ZFHX3: variants seen among roughly 807,000 people sequenced by gnomAD.
The protein encoded by ZFHX3 is zinc finger homeobox 3, also known as zinc finger homeobox protein 3.
A neutral mutation model predicts 279.1 loss-of-function variants in ZFHX3; 42 were observed. The observed-to-expected ratio is 0.15, with a 90% confidence interval of 0.12 to 0.19. The LOEUF (loss-of-function observed/expected upper bound fraction) is 0.19. Among genes scored for constraint, ZFHX3 ranks in the 10% least tolerant of loss-of-function variants. The probability of loss-of-function intolerance (pLI) is 1.00; values close to 1 mark genes in which losing one functional copy is unlikely to be tolerated. For synonymous variants in ZFHX3, 2,293 were observed against 1,957.8 expected (o/e 1.17, Z -4.52); for missense variants, 4,981 against 4,754.0 (o/e 1.05, Z -1.40).
At chr16:73,128,662 T>C (rs1477367978) in intron 7 of ZFHX3, among the ~76,000 whole-genome samples, 1 of 152,204 alleles carries the variant, frequency 6.6e-6, no homozygotes, top group East Asian at 1.9e-4. Flanking sequence ...AAAGGTTGCA[T>C]TTCTTTTGAT....
At chr16:73,687,579 C>T (rs982276249) in intron 1 of ZFHX3, among the ~76,000 whole-genome samples, 6 of 152,070 alleles carry the variant, frequency 3.9e-5, no homozygotes, top group African/African-American at 4.8e-5. Context: ...TGCGGTGGCT[C>T]ACATCTGTAA....
chr16:73,441,145 TGAAA>T (rs558757845), intron 3 of ZFHX3, among the ~76,000 whole-genome samples: 30 of 152,302 alleles, frequency 2.0e-4, no homozygotes, highest in South Asian at 8.3e-4. Flanking sequence ...CCCAGTGCCC[TGAAA>T]GAGTTAATTC....
At chr16:73,579,613 T>C (rs1202869449) in intron 2 of ZFHX3, among the ~76,000 whole-genome samples, 2 of 150,954 alleles carry the variant, frequency 1.3e-5, no homozygotes, top group Non-Finnish European at 3.0e-5. Flanking sequence ...GCCATTCTCC[T>C]GCCTCAGCCT....
At chr16:73,351,704 G>A (rs981565532) in intron 3 of ZFHX3, among the ~76,000 whole-genome samples, 22 of 152,256 alleles carry the variant, frequency 1.4e-4, no homozygotes, top group Admixed American at 1.4e-3. Flanking sequence ...CTTTTAAAAC[G>A]CTTCAATGTT....
At chr16:73,411,348 C>T (rs886935097) in intron 3 of ZFHX3, among the ~76,000 whole-genome samples, 1 of 152,150 alleles carries the variant, frequency 6.6e-6, no homozygotes, top group Non-Finnish European at 1.5e-5. Context: ...GGCACCTGCC[C>T]TTTGAAATAT....
rs2035476566 is a variant in ZFHX3 at position 72,787,715 on chromosome 16, C to CGCCACT, written c.10560_10561insAGTGGC (p.Gly3520_Gly3521insSerGly). ...TACGAGCCGCCGCCGCCGCCGCCGC[C>CGCCACT]GCCACCGCCGCCGCCGCCGCCACTG... On this transcript the variant is annotated inframe_insertion, in exon 10 of 10. Transcript: ENST00000268489. The CGCCACT allele has an allele frequency of 3.6e-6, 5 of 1,381,196 alleles. No individual in the cohort carries two copies. The highest frequency in any genetic ancestry group is 3.8e-6 in the Non-Finnish European group (4 of 1,057,138). The allele number at this position is 1,381,196 out of a possible 1,614,324, so 85.6% of individuals were successfully genotyped here.
intron 1 of ZFHX3, among the ~76,000 whole-genome samples, chr16:73,740,057 C>A (rs1449664332): frequency 6.6e-6 from 1 of 152,140 alleles, no homozygotes. Flanking sequence ...ACTGCCGGCA[C>A]CATCAGCACA....
At chr16:73,288,027 T>G (rs973573551) in intron 4 of ZFHX3, among the ~76,000 whole-genome samples, 1 of 152,106 alleles carries the variant, frequency 6.6e-6, no homozygotes, top group African/African-American at 2.4e-5. Flanking sequence ...CCCCAGCATC[T>G]GGGCCGGCGG....
At chr16:73,633,200 T>C (rs975174192) in intron 2 of ZFHX3, among the ~76,000 whole-genome samples, 2 of 152,262 alleles carry the variant, frequency 1.3e-5, no homozygotes, top group Admixed American at 6.5e-5. Flanking sequence ...GGCTAAAGGT[T>C]GATCTACTTA....
chr16:73,549,458 T>C (rs1427900122), intron 2 of ZFHX3, among the ~76,000 whole-genome samples: 1 of 152,196 alleles, frequency 6.6e-6, no homozygotes, highest in Non-Finnish European at 1.5e-5. Context: ...TTTACGTTTT[T>C]CTATCTTCTT....
rs753991826 is a variant in ZFHX3 at position 72,958,261 on chromosome 16, G to C, written c.1885C>G (p.Leu629Val). 3 of 1,613,940 alleles carry C rather than the reference G, an allele frequency of 1.9e-6. No individual in the cohort carries two copies. Among genetic ancestry groups the C allele is most frequent in the Non-Finnish European group, 2.5e-6 (3 of 1,179,804 alleles). ...HHQHAGSLCE[L>V]GVGECPSGSG... ...CCCGAGGGGCACTCCCCAACCCCAAGCTCGCAGAGGGAGCCAGCGTGCTGG... is the reference window on the plus strand; with the variant it reads ...CCCGAGGGGCACTCCCCAACCCCAACCTCGCAGAGGGAGCCAGCGTGCTGG... The change falls in exon 2 of 10, where the codon CTT becomes GTT. Residue 629 changes from leucine to valine, a missense_variant. Leu to Val is a conservative substitution (Grantham distance 32). Coordinates refer to ENST00000268489, the MANE Select transcript of ZFHX3 (RefSeq NM_006885.4).
chr16:73,519,684 G>C (rs972022428), intron 2 of ZFHX3, among the ~76,000 whole-genome samples: 1 of 152,082 alleles, frequency 6.6e-6, no homozygotes, highest in African/African-American at 2.4e-5. Context: ...GACTTCAAAG[G>C]TTGAAGGTTC....
intron 3 of ZFHX3, among the ~76,000 whole-genome samples, chr16:73,414,630 GT>G (rs2017534099): frequency 6.6e-6 from 1 of 152,206 alleles, no homozygotes; most frequent in African/African-American, 2.4e-5. Context: ...GAGCCCAGAA[GT>G]TTGAGACCAG....
intron 5 of ZFHX3, among the ~76,000 whole-genome samples, chr16:73,163,040 G>C (rs911618304): frequency 1.3e-5 from 2 of 152,192 alleles, no homozygotes; most frequent in Non-Finnish European, 2.9e-5. Context: ...ATTTGATAGT[G>C]ATTGGTAGGC....
intron 4 of ZFHX3, among the ~76,000 whole-genome samples, chr16:72,838,611 G>T (rs2037261050): frequency 6.6e-6 from 1 of 152,156 alleles, no homozygotes; most frequent in Non-Finnish European, 1.5e-5. Context: ...TGTGTGGTGA[G>T]GGACGGGTCC....
chr16:73,126,022 C>A (rs550571948), intron 7 of ZFHX3, among the ~76,000 whole-genome samples: 2 of 152,186 alleles, frequency 1.3e-5, no homozygotes, highest in African/African-American at 4.8e-5. Context: ...GCATTTGTTT[C>A]TTAGGCACAT....
intron 7 of ZFHX3, among the ~76,000 whole-genome samples, chr16:73,105,418 C>CACATATATATATATATACACACACACAT (rs1567389880): frequency 6.6e-5 from 6 of 91,052 alleles, no homozygotes; most frequent in Non-Finnish European, 1.4e-4. Flanking sequence ...TACACACACA[C>CACATATATATATATATACACACACACAT]ATATATATAT....
intron 4 of ZFHX3, among the ~76,000 whole-genome samples, chr16:73,271,500 C>A (rs73603340): frequency 0.033 from 5,068 of 152,266 alleles, 291 homozygotes; most frequent in African/African-American, 0.12. Flanking sequence ...TGCAGCCCCG[C>A]TTCTGAGTCA....
intron 5 of ZFHX3, among the ~76,000 whole-genome samples, chr16:73,193,472 C>G (rs1184142305): frequency 6.6e-6 from 1 of 152,202 alleles, no homozygotes; most frequent in East Asian, 1.9e-4. Context: ...CTGGCATTTT[C>G]CCTGGCACCA....
Sources: gnomAD v4.1 joint callset for allele counts (sites outside exome capture counted in the v4.1 genomes callset) on GRCh38, gnomAD v4.1.1 for gene constraint, MANE v1.5 for transcripts, NCBI Gene and HGNC (gene_info 2026-07-23, HGNC 2026-07-21) for gene names.